Variants in ARHGAP39 observed in about 807,000 individuals in gnomAD.
ARHGAP39 encodes Rho GTPase activating protein 39, also known as rho GTPase-activating protein 39.
Under a neutral mutation model 106.9 loss-of-function variants are expected in ARHGAP39, and 44 were observed. That is an observed-to-expected ratio of 0.41 (90% CI 0.32 to 0.53). ARHGAP39 has a LOEUF of 0.53. ARHGAP39 is among the 20% of genes least tolerant of loss of function. The pLI is 0.21. For missense variants in ARHGAP39, 1,496 were observed against 1,577.3 expected (o/e 0.95, Z 0.87); for synonymous variants, 768 against 693.2 (o/e 1.11, Z -1.69).
intron 6 of ARHGAP39, among the ~76,000 whole-genome samples, chr8:144,543,526 C>T (rs541043112): frequency 1.2e-4 from 18 of 152,328 alleles, no homozygotes; most frequent in African/African-American, 4.1e-4. Context: ...GGCTACCTGC[C>T]AGTGGGACTG....
chr8:144,581,238 C>T lies in ARHGAP39; in HGVS notation c.120G>A (p.Glu40=). 2 of 1,553,752 alleles carry T rather than the reference C, an allele frequency of 1.3e-6. No homozygotes were observed. The highest frequency in any genetic ancestry group is 2.4e-5 in the South Asian group (2 of 84,364). ...CGGTGACCAGGTTGGCGTACATGCG[C>T]TCGCGGGTGCGCGGTTCGATGATCT... ...WVEIIEPRTR[E]RMYANLVTGE... The change falls in exon 3 of 12, where the codon GAG becomes GAA. Residue 40 remains glutamate (E), a synonymous_variant. Coordinates refer to ENST00000377307, the MANE Select transcript of ARHGAP39 (RefSeq NM_025251.3).
intron 1 of ARHGAP39, among the ~76,000 whole-genome samples, chr8:144,639,085 G>C (rs1821244798): frequency 6.6e-6 from 1 of 152,160 alleles, no homozygotes. Context: ...CCGACACTTT[G>C]GGAGGCCGAG....
At position 144,605,790 on chromosome 8, in the gene ARHGAP39, A is replaced by G. The variant is rs1365860589; in HGVS notation, c.-81-95T>C. On this transcript the variant is annotated intron_variant, in intron 1 of 11. Transcript: ENST00000377307. ...CACCGCCGCAGACTGGCTGGGCAGG[A>G]TGACGATGGACTCCACGGCACCCGT... The G allele has an allele frequency of 7.5e-5, 50 of 665,428 alleles. 1 individual carries two copies. 41.2% of individuals were successfully genotyped at this position (665,428 alleles called of 1,614,324 possible). A position where few individuals can be genotyped will look rare whatever the true frequency, so the allele number is the denominator to read the frequency against.
intron 6 of ARHGAP39, among the ~76,000 whole-genome samples, chr8:144,538,443 G>A (rs532605472): frequency 1.3e-4 from 20 of 151,914 alleles, no homozygotes; most frequent in African/African-American, 4.3e-4. Context: ...CCACACCTGA[G>A]GGGTGGAGTT....
At chr8:144,538,702 T>C (rs1342659135) in intron 6 of ARHGAP39, among the ~76,000 whole-genome samples, 2 of 152,022 alleles carry the variant, frequency 1.3e-5, no homozygotes, top group Non-Finnish European at 2.9e-5. Flanking sequence ...TCCTGAGTAG[T>C]TGGAATTACA....
chr8:144,606,004 G>A (rs1398027234), intron 1 of ARHGAP39, among the ~76,000 whole-genome samples: 1 of 152,230 alleles, frequency 6.6e-6, no homozygotes, highest in Non-Finnish European at 1.5e-5. Flanking sequence ...CAAGCATGGG[G>A]GGACCGTGGG....
At chr8:144,592,170 G>C (rs1482101760) in intron 2 of ARHGAP39, among the ~76,000 whole-genome samples, 1 of 152,194 alleles carries the variant, frequency 6.6e-6, no homozygotes, top group Non-Finnish European at 1.5e-5. Flanking sequence ...TCCCTTTTCA[G>C]TGCACTCCTG....
At chr8:144,567,344 A>T (rs931835290) in intron 3 of ARHGAP39, among the ~76,000 whole-genome samples, 6 of 152,236 alleles carry the variant, frequency 3.9e-5, no homozygotes, top group African/African-American at 1.4e-4. Flanking sequence ...GCCTTCTGTT[A>T]TGCCCAGACA....
At chr8:144,662,375 G>C (rs763544271) in intron 1 of ARHGAP39, among the ~76,000 whole-genome samples, 1 of 126,966 alleles carries the variant, frequency 7.9e-6, no homozygotes, top group African/African-American at 3.1e-5. Context: ...CTTGGACCAC[G>C]TTCCACTCCC....
intron 1 of ARHGAP39, among the ~76,000 whole-genome samples, chr8:144,615,283 G>A (rs1273904953): frequency 6.6e-6 from 1 of 152,054 alleles, no homozygotes; most frequent in Non-Finnish European, 1.5e-5. Flanking sequence ...CTGTGGCACT[G>A]CGCTCTAGCC....
At position 144,647,564 on chromosome 8, in the gene ARHGAP39, C is replaced by G. The variant is rs374071386; in HGVS notation, c.-82+38122G>C. On this transcript the variant is annotated intron_variant, in intron 1 of 11. Transcript: ENST00000377307. The surrounding 1 kb of genome is among the most constrained non-coding windows in gnomAD (Gnocchi z 4.8). ...GCTGTCAGCCACGCCTGAACAGAGA[C>G]TCTCATTCTTCCTGAGGAAATGAAA... is the stretch of plus-strand genomic sequence containing the variant. Among the ~76,000 whole-genome samples the G allele has an allele frequency of 6.6e-6, 1 of 152,248 alleles. No homozygotes were observed.
chr8:144,645,462 C>G lies in ARHGAP39; in HGVS notation c.-81-39767G>C, dbSNP rs763115346. Among the ~76,000 whole-genome samples the G allele has an allele frequency of 2.0e-5, 3 of 150,660 alleles. No individual in the cohort carries two copies. The highest frequency in any genetic ancestry group is 6.6e-5 in the Admixed American group (1 of 15,156). On this transcript the variant is annotated intron_variant, in intron 1 of 11. Transcript: ENST00000377307. The surrounding 1 kb of genome is among the most constrained non-coding windows in gnomAD (Gnocchi z 4.4). The stretch of plus-strand genomic sequence containing the variant: ...CAGGGCAGAGCCTCCCCGCCTCACT[C>G]TGGTCTCTCCCGGCAGAGTCACTGA...
intron 1 of ARHGAP39, among the ~76,000 whole-genome samples, chr8:144,653,023 C>T (rs1244607063): frequency 3.3e-5 from 5 of 152,146 alleles, no homozygotes; most frequent in African/African-American, 7.2e-5. Flanking sequence ...TGAGGCCGGG[C>T]GCAGTGGCTC....
chr8:144,686,309 C>A (rs193108223), upstream of ARHGAP39, among the ~76,000 whole-genome samples: 690 of 152,232 alleles, frequency 4.5e-3, 6 homozygotes, highest in African/African-American at 0.015. Flanking sequence ...GTTATTCTCA[C>A]CTTTTTAGTC....
intron 4 of ARHGAP39, among the ~76,000 whole-genome samples, chr8:144,553,395 C>T (rs1189931434): frequency 6.6e-6 from 1 of 152,210 alleles, no homozygotes; most frequent in Non-Finnish European, 1.5e-5. Context: ...GCGTGAGTCC[C>T]ACCTCCACGT....
chr8:144,674,109 C>T (rs1196319665), intron 1 of ARHGAP39, among the ~76,000 whole-genome samples: 1 of 151,828 alleles, frequency 6.6e-6, no homozygotes, highest in Non-Finnish European at 1.5e-5. Context: ...TTTTCATTAC[C>T]TGCAACGTGG....
At chr8:144,664,866 G>A (rs528376798) in intron 1 of ARHGAP39, among the ~76,000 whole-genome samples, 3 of 152,282 alleles carry the variant, frequency 2.0e-5, no homozygotes, top group Admixed American at 6.5e-5. Context: ...GACTAATACA[G>A]TAAATTGGTA....
chr8:144,698,839 C>G, the ARHGAP39 span: 1 of 455,852 alleles, frequency 2.2e-6, no homozygotes, highest in Non-Finnish European at 4.4e-6. Flanking sequence ...CACAGCTTCA[C>G]CTCTAAGGAC....
intron 2 of ARHGAP39, among the ~76,000 whole-genome samples, chr8:144,598,333 C>T (rs1303239270): frequency 1.3e-5 from 2 of 152,116 alleles, no homozygotes; most frequent in South Asian, 2.1e-4. Context: ...AGGGGAAACT[C>T]GGAACTCAGC....
Sources: allele counts gnomAD v4.1 joint callset (sites outside exome capture counted in the v4.1 genomes callset), GRCh38; gene constraint gnomAD v4.1.1; non-coding constraint Gnocchi (gnomAD v3.1); transcripts MANE v1.5; gene names NCBI Gene and HGNC (gene_info 2026-07-23, HGNC 2026-07-21).